The following PDK1 variants were observed in gnomAD, a reference collection of about 807,000 sequenced individuals.
The protein encoded by PDK1 is [Pyruvate dehydrogenase (acetyl-transferring)] kinase isozyme 1, mitochondrial.
PDK1 carries 39 observed loss-of-function variants against 54.2 expected under a neutral mutation model. The observed-to-expected ratio is 0.72, with a 90% CI of 0.56 to 0.94. The LOEUF (loss-of-function observed/expected upper bound fraction) is 0.94, where lower values mean the gene tolerates loss of function less well. Ranked by LOEUF, PDK1 falls within the 40% of genes least tolerant of loss-of-function variation. The pLI, the probability that PDK1 is intolerant of heterozygous loss-of-function variation, is 0.00. For synonymous variants in PDK1, 221 were observed against 207.1 expected (o/e 1.07, Z -0.58); for missense variants, 552 against 566.0 (o/e 0.98, Z 0.25).
At chr2:172,660,628 T>C in the PDK1 span, among the ~76,000 whole-genome samples, 8 of 152,112 alleles carry the variant, frequency 5.3e-5, no homozygotes, top group Admixed American at 5.2e-4. Flanking sequence ...GTTCTTTTAA[T>C]GGGCTAACAT....
intron 8 of PDK1, among the ~76,000 whole-genome samples, chr2:172,575,150 A>C (rs1237065469): frequency 6.6e-6 from 1 of 152,178 alleles, no homozygotes; most frequent in Non-Finnish European, 1.5e-5. Context: ...TCTATTAAGT[A>C]GTGTATTACA....
chr2:172,642,215 G>A, the PDK1 span, among the ~76,000 whole-genome samples: 5 of 152,286 alleles, frequency 3.3e-5, no homozygotes, highest in African/African-American at 9.6e-5. Context: ...TGTTATTAAC[G>A]TTAAGACTTT....
At chr2:172,688,408 C>T in the PDK1 span, among the ~76,000 whole-genome samples, 1 of 152,118 alleles carries the variant, frequency 6.6e-6, no homozygotes, top group Non-Finnish European at 1.5e-5. Context: ...CTACCTTGTG[C>T]CAGGGATTAT....
the PDK1 span, among the ~76,000 whole-genome samples, chr2:172,657,316 G>A: frequency 0.053 from 8,004 of 151,058 alleles, 410 homozygotes; most frequent in East Asian, 0.22. Flanking sequence ...ATGAGCCACC[G>A]TGCCTGGTCA....
the PDK1 span, among the ~76,000 whole-genome samples, chr2:172,650,892 A>T: frequency 0.076 from 11,571 of 152,210 alleles, 1,103 homozygotes; most frequent in African/African-American, 0.23. Context: ...GGAGACTTTA[A>T]CACCCCACTG....
chr2:172,582,296 T>G (rs961732719), intron 8 of PDK1, among the ~76,000 whole-genome samples: 1 of 152,208 alleles, frequency 6.6e-6, no homozygotes, highest in Non-Finnish European at 1.5e-5. Context: ...AAAACGCTGT[T>G]GGCTAAGAAA....
At chr2:172,649,690 T>C in the PDK1 span, among the ~76,000 whole-genome samples, 1 of 152,110 alleles carries the variant, frequency 6.6e-6, no homozygotes, top group Non-Finnish European at 1.5e-5. Context: ...ACGTGACGCA[T>C]GCACAAGCTT....
At chr2:172,608,923 G>A (rs1290373486), downstream of PDK1, among the ~76,000 whole-genome samples, 1 of 152,172 alleles carries the variant, frequency 6.6e-6, no homozygotes, top group South Asian at 2.1e-4. Context: ...TTGGTAATTG[G>A]ATATTTTCAT....
the PDK1 span, among the ~76,000 whole-genome samples, chr2:172,678,210 A>G: frequency 6.6e-6 from 1 of 152,112 alleles, no homozygotes; most frequent in African/African-American, 2.4e-5. Flanking sequence ...TCAACCACAA[A>G]GGGAAGTCTA....
chr2:172,561,546 A>G (rs531504783), intron 2 of PDK1, among the ~76,000 whole-genome samples: 2 of 152,350 alleles, frequency 1.3e-5, no homozygotes, highest in South Asian at 4.1e-4. Flanking sequence ...AGTTATTTTT[A>G]GCTCTGGCCC....
chr2:172,570,594 G>A lies in PDK1; in HGVS notation c.847-132G>A, dbSNP rs377456059. On this transcript the variant is annotated intron_variant, in intron 7 of 10. Coordinates refer to ENST00000282077, the MANE Select transcript of PDK1 (RefSeq NM_002610.5). The stretch of plus-strand genomic sequence containing the variant: ...CATTAAAAAAAAAACTTTAAATGTG[G>A]TTATAAGAATTGTGATTCTTTGGCA... 6 of 502,478 alleles carry A rather than the reference G, an allele frequency of 1.2e-5. No individual in the cohort carries two copies. In the East Asian group the frequency reaches 1.9e-4, roughly 16 times the overall value. 31.1% of individuals were successfully genotyped at this position (502,478 alleles called of 1,614,324 possible). A position where few individuals can be genotyped will look rare whatever the true frequency, so the allele number is the denominator to read the frequency against.
At chr2:172,659,929 G>A in the PDK1 span, among the ~76,000 whole-genome samples, 1 of 152,284 alleles carries the variant, frequency 6.6e-6, no homozygotes, top group East Asian at 1.9e-4. Flanking sequence ...GATTTGACCA[G>A]CTGAATCATT....
the PDK1 span, among the ~76,000 whole-genome samples, chr2:172,663,837 C>T: frequency 6.6e-6 from 1 of 152,104 alleles, no homozygotes; most frequent in East Asian, 1.9e-4. Context: ...TGTCTGTGAA[C>T]CTAAATCTTC....
chr2:172,557,627 G>C (rs1379036440), intron 1 of PDK1, among the ~76,000 whole-genome samples: 1 of 151,108 alleles, frequency 6.6e-6, no homozygotes, highest in African/African-American at 2.4e-5. Context: ...GTGTGTGTGT[G>C]TGTGTGTGTG....
chr2:172,669,209 G>A, the PDK1 span, among the ~76,000 whole-genome samples: 1 of 151,658 alleles, frequency 6.6e-6, no homozygotes, highest in South Asian at 2.1e-4. Context: ...ACAGGCGTCT[G>A]CCACTACGCC....
At chr2:172,579,317 A>G (rs775607651) in intron 8 of PDK1, among the ~76,000 whole-genome samples, 50 of 152,130 alleles carry the variant, frequency 3.3e-4, no homozygotes, top group Non-Finnish European at 5.9e-4. Context: ...CCCAGCAGCT[A>G]CCAGGCTGCT....
At chr2:172,586,170 AAAAAAG>A in intron 8 of PDK1, 102 bp from the exon 9 acceptor site, 3 of 599,826 alleles carry the variant, frequency 5.0e-6, no homozygotes, top group Middle Eastern at 2.9e-4. Context: ...AAAAAAAAAA[AAAAAAG>A]CGCTCTCCCA....
downstream of PDK1, among the ~76,000 whole-genome samples, chr2:172,612,254 A>G (rs1398577927): frequency 6.6e-6 from 1 of 152,240 alleles, no homozygotes; most frequent in Non-Finnish European, 1.5e-5. Context: ...TCCCAGATCC[A>G]ACGCTAATGC....
At chr2:172,636,720 C>CA in the PDK1 span, among the ~76,000 whole-genome samples, 332 of 126,886 alleles carry the variant, frequency 2.6e-3, 2 homozygotes, top group African/African-American at 7.1e-3. Flanking sequence ...GACTCCATCT[C>CA]AAAAAAAAAA....
Sources: allele counts gnomAD v4.1 joint callset (sites outside exome capture counted in the v4.1 genomes callset), GRCh38; gene constraint gnomAD v4.1.1; transcripts MANE v1.5; gene names NCBI Gene and HGNC (gene_info 2026-07-23, HGNC 2026-07-21).